Variants in TRPV3 observed in about 807,000 individuals in gnomAD.
The protein encoded by TRPV3 is VRL-3.
Under a neutral mutation model 87.1 loss-of-function variants are expected in TRPV3, and 88 were observed. The observed-to-expected ratio is 1.01, with a 90% CI of 0.85 to 1.21. The LOEUF (loss-of-function observed/expected upper bound fraction) is 1.21. Among genes scored for constraint, TRPV3 ranks in the 50% most tolerant of loss-of-function variants. The pLI is 0.00. For synonymous variants in TRPV3, 438 were observed against 423.3 expected, an observed-to-expected ratio of 1.03 and a Z score of -0.43; for missense variants, 1,054 against 1,030.1, an observed-to-expected ratio of 1.02 and a Z score of -0.32.
chr17:3,524,475 G>A lies in TRPV3; in HGVS notation c.1578-112C>T, dbSNP rs569726530. 1.4e-5 allele frequency: 19 copies of A among 1,344,652 alleles called. No homozygotes were observed. In the Admixed American group the frequency reaches 3.3e-4, roughly 23 times the overall value. The allele number at this position is 1,344,652 out of a possible 1,614,324, so 83.3% of individuals were successfully genotyped here. A position where few individuals can be genotyped will look rare whatever the true frequency, so the allele number is the denominator to read the frequency against. On this transcript the variant is annotated intron_variant, in intron 12 of 17. Coordinates refer to ENST00000576742, the MANE Select transcript of TRPV3 (RefSeq NM_145068.4). ...CCCCCTGAACAGTCACCCCGGTGAC[G>A]GATGCTGAAGAGACCAGAATCACGC... is the stretch of plus-strand genomic sequence containing the variant.
At position 3,524,274 on chromosome 17, in the gene TRPV3, G is replaced by C. The variant is rs747062642; in HGVS notation, c.1667C>G (p.Ala556Gly). Residue 556 changes from alanine (A) to glycine (G), a missense_variant, in exon 13 of 18, where the codon GCC becomes GGC. Coordinates refer to ENST00000576742, the MANE Select transcript of TRPV3 (RefSeq NM_145068.4). ...EYLACLVLAM[A>G]LGWANMLYYT... ...GTAGAGCATGTTCGCCCAGCCCAGG[G>C]CCATGGCCAGCACGAGGCAGGCGAG... 6.2e-7 allele frequency: 1 copy of C among 1,614,108 alleles called. No individual in the cohort carries two copies. Among genetic ancestry groups the C allele is most frequent in the Non-Finnish European group, 8.5e-7 (1 of 1,180,048 alleles).
At chr17:3,515,831 C>T (rs565065063) in intron 16 of TRPV3, among the ~76,000 whole-genome samples, 1 of 152,258 alleles carries the variant, frequency 6.6e-6, no homozygotes, top group African/African-American at 2.4e-5. Flanking sequence ...GAGTACCCAG[C>T]AGGCAGATCT....
intron 7 of TRPV3, 98 bp from the exon 8 acceptor site, chr17:3,533,035 G>A (rs909492540): frequency 3.6e-6 from 5 of 1,387,014 alleles, no homozygotes; most frequent in Admixed American, 1.9e-5. Context: ...TCAGCAGGAT[G>A]GGCACCTCAG....
At chr17:3,532,134 C>T (rs996533011) in intron 8 of TRPV3, among the ~76,000 whole-genome samples, 3 of 152,242 alleles carry the variant, frequency 2.0e-5, no homozygotes, top group African/African-American at 7.2e-5. Context: ...AGGCTCCCAG[C>T]CAAGCCTCGA....
At position 3,518,101 on chromosome 17, in the gene TRPV3, G is replaced by A. The variant is rs1295800092; in HGVS notation, c.2085+475C>T. On this transcript the variant is annotated intron_variant, in intron 15 of 17. Coordinates refer to ENST00000576742, the MANE Select transcript of TRPV3 (RefSeq NM_145068.4). This position sits in a 1 kb window ranked among gnomAD's most constrained non-coding sequence, Gnocchi z 4.3. Reference sequence around the variant, plus strand: ...TCCAAAGTGCTAAGATTACAGGGGTGAGCCACCATGCCCGGCCGCCAACCA... The same window carrying A: ...TCCAAAGTGCTAAGATTACAGGGGTAAGCCACCATGCCCGGCCGCCAACCA... Among the ~76,000 whole-genome samples, 1 of 152,062 alleles carries A rather than the reference G, an allele frequency of 6.6e-6. No homozygotes were observed. Among genetic ancestry groups the A allele is most frequent in the African/African-American group, 2.4e-5 (1 of 41,402 alleles).
chr17:3,524,368 TCAGGAGACA>T lies in TRPV3; in HGVS notation c.1578-14_1578-6del, dbSNP rs764183379. The T allele has an allele frequency of 3.1e-6, 5 of 1,613,918 alleles. No homozygotes were observed. The highest frequency in any genetic ancestry group is 1.1e-5 in the South Asian group (1 of 91,070). On this transcript the variant is annotated splice_polypyrimidine_tract_variant and splice_region_variant and intron_variant, in intron 12 of 17. Coordinates refer to ENST00000576742, the MANE Select transcript of TRPV3 (RefSeq NM_145068.4). ...ACAAGCACAGCTTGGATAAAACTGT[TCAGGAGACA>T]CAGGAGACACGGGCCTTACTTACTT...
intron 6 of TRPV3, among the ~76,000 whole-genome samples, chr17:3,539,005 C>T (rs2074433462): frequency 6.6e-6 from 1 of 152,180 alleles, no homozygotes; most frequent in Non-Finnish European, 1.5e-5. Flanking sequence ...GTGACATTGT[C>T]ACAACACAGC....
chr17:3,521,169 C>T (rs2074242191), intron 13 of TRPV3, 130 bp from the exon 14 acceptor site: 1 of 475,690 alleles, frequency 2.1e-6, no homozygotes, highest in Admixed American at 3.4e-5. Context: ...TCTCCCTTCC[C>T]CCAGCCAAAT....
At position 3,519,482 on chromosome 17, in the gene TRPV3, T is replaced by TTGGA. The variant is rs147735379; in HGVS notation, c.1811-636_1811-633dup. Among the ~76,000 whole-genome samples the TTGGA allele has an allele frequency of 2.8e-4, 26 of 91,436 alleles. 1 individual carries two copies. The highest frequency in any genetic ancestry group is 4.5e-4 in the Admixed American group (4 of 8,890). The allele number at this position is 91,436 out of a possible 152,430, so 60.0% of individuals were successfully genotyped here. Reference sequence around the variant, plus strand: ...ATTAGATGGATGGATGGATAGATGATTGGATGGATGGATGGATGGATGGGT... The same window carrying TTGGA: ...ATTAGATGGATGGATGGATAGATGATTGGATGGATGGATGGATGGATGGATGGGT... On this transcript the variant is annotated intron_variant, in intron 14 of 17. Coordinates refer to ENST00000576742, the MANE Select transcript of TRPV3 (RefSeq NM_145068.4).
At chr17:3,525,067 T>TG (rs1567633644) in intron 12 of TRPV3, among the ~76,000 whole-genome samples, 1 of 152,246 alleles carries the variant, frequency 6.6e-6, no homozygotes, top group Non-Finnish European at 1.5e-5. Flanking sequence ...TCACCTAGGC[T>TG]GGAGTACAGT....
chr17:3,529,066 C>A, intron 9 of TRPV3, 71 bp from the exon 10 acceptor site: 2 of 1,565,368 alleles, frequency 1.3e-6, no homozygotes, highest in Admixed American at 1.7e-5. Context: ...TAAAGGCCTG[C>A]GGGAGCTCTG....
intron 6 of TRPV3, among the ~76,000 whole-genome samples, chr17:3,536,160 C>T (rs401643): frequency 0.73 from 111,506 of 152,088 alleles, 42,386 homozygotes; most frequent in Non-Finnish European, 0.86. Flanking sequence ...TCAGCCAGGG[C>T]AAGAGGGCAG....
chr17:3,526,907 C>T lies in TRPV3; in HGVS notation c.1524G>A (p.Leu508=). The T allele has an allele frequency of 1.2e-6, 2 of 1,612,080 alleles. No homozygotes were observed. Among genetic ancestry groups the T allele is most frequent in the South Asian group, 1.1e-5 (1 of 90,370 alleles). Residue 508 remains leucine, a synonymous_variant, in exon 12 of 18, where the codon CTG becomes CTA. Transcript: ENST00000576742. ...SVKEGIAIFL[L]RPSDLQSILS... ...GGATGGACTGCAGATCCGAGGGTCT[C>T]AGCAGGAAGATGGCAATGCCCTAAG...
In TRPV3 at chr17:3,518,755, T is replaced by C. The variant is rs1340490202; in HGVS notation, c.1906A>G (p.Thr636Ala). 2 of 1,613,932 alleles carry C rather than the reference T, an allele frequency of 1.2e-6. No homozygotes were observed. Among genetic ancestry groups the C allele is most frequent in the African/African-American group, 1.3e-5 (1 of 74,938 alleles). Residue 636 changes from threonine to alanine, a missense_variant, in exon 15 of 18, where the codon ACC becomes GCC. Physicochemically the swap from Thr to Ala is moderately conservative, Grantham distance 58. Transcript: ENST00000576742. This position sits in a 1 kb window ranked among gnomAD's most constrained non-coding sequence, Gnocchi z 4.3. ...ATGTTCAGGTCACCCAGGCCTATGG[T>C]GAGCTTGAAGAGTTCCAGCACTGCG... ...SDAVLELFKLTIGLGDLNIQQ... is the reference protein window; with the variant it reads ...SDAVLELFKLAIGLGDLNIQQ...
rs1251244431 is a variant in TRPV3 at position 3,528,734 on chromosome 17, T to C, written c.1401+103A>G. Reference sequence around the variant, plus strand: ...GACAACTGGGGGACCCCGCCCAATCTCCTGGTCTCTCTGGGCCTCAGTTTT... The same window carrying C: ...GACAACTGGGGGACCCCGCCCAATCCCCTGGTCTCTCTGGGCCTCAGTTTT... On this transcript the variant is annotated intron_variant, in intron 10 of 17. Coordinates refer to ENST00000576742, the MANE Select transcript of TRPV3 (RefSeq NM_145068.4). This position sits in a 1 kb window ranked among gnomAD's most constrained non-coding sequence, Gnocchi z 4.2. 1 of 1,401,038 alleles carries C rather than the reference T, an allele frequency of 7.1e-7. No individual in the cohort carries two copies. The highest frequency in any genetic ancestry group is 9.8e-7 in the Non-Finnish European group (1 of 1,024,836). The allele number at this position is 1,401,038 out of a possible 1,614,324, so 86.8% of individuals were successfully genotyped here.
chr17:3,538,648 G>C (rs201738899), intron 6 of TRPV3, among the ~76,000 whole-genome samples: 2 of 151,802 alleles, frequency 1.3e-5, no homozygotes, highest in Non-Finnish European at 2.9e-5. Context: ...GCAGTGGCGC[G>C]ATCTCGGCTC....
rs545475967 is a variant in TRPV3, at chr17:3,514,138, G to A, written c.2279-127C>T. The stretch of plus-strand genomic sequence containing the variant: ...TTGTCACCCAGGCTGCAGTGCAGTG[G>A]TGTGATCTCAGCTCACTGCAACCTC... On this transcript the variant is annotated intron_variant, in intron 17 of 17. Coordinates refer to ENST00000576742, the MANE Select transcript of TRPV3 (RefSeq NM_145068.4). The A allele has an allele frequency of 1.8e-4, 134 of 764,562 alleles. 1 individual carries two copies. In the African/African-American group the frequency reaches 2.1e-3, roughly 12 times the overall value. The allele number at this position is 764,562 out of a possible 1,614,324, so 47.4% of individuals were successfully genotyped here. A position where few individuals can be genotyped will look rare whatever the true frequency, so the allele number is the denominator to read the frequency against.
intron 13 of TRPV3, among the ~76,000 whole-genome samples, chr17:3,522,084 A>G (rs117074793): frequency 0.014 from 2,067 of 152,252 alleles, 17 homozygotes; most frequent in Non-Finnish European, 0.019. Context: ...TCAAAAAATT[A>G]ATTAATTAAT....
intron 13 of TRPV3, among the ~76,000 whole-genome samples, chr17:3,522,563 AC>A (rs968240929): frequency 1.2e-5 from 1 of 81,618 alleles, no homozygotes; most frequent in African/African-American, 4.5e-5. Context: ...TCCCCCCCCC[AC>A]CCCCCAGCAC....
Sources: allele counts gnomAD v4.1 joint callset (sites outside exome capture counted in the v4.1 genomes callset), GRCh38; gene constraint gnomAD v4.1.1; non-coding constraint Gnocchi (gnomAD v3.1); transcripts MANE v1.5; gene names NCBI Gene and HGNC (gene_info 2026-07-23, HGNC 2026-07-21).